The following MYO16 variants were observed in gnomAD, a reference collection of about 807,000 sequenced individuals.
MYO16 encodes myosin XVI.
MYO16 carries 94 observed loss-of-function variants against 205.3 expected under a neutral mutation model. The observed-to-expected ratio is 0.46, with a 90% confidence interval of 0.39 to 0.54. The LOEUF (loss-of-function observed/expected upper bound fraction) is 0.54. Among genes scored for constraint, MYO16 ranks in the 20% least tolerant of loss-of-function variants. The pLI is 0.00. For synonymous variants in MYO16, 988 were observed against 954.0 expected (o/e 1.04, Z -0.66); for missense variants, 2,315 against 2,387.5 (o/e 0.97, Z 0.63).
intron 7 of MYO16, among the ~76,000 whole-genome samples, chr13:108,812,743 G>A (rs1398934614): frequency 6.6e-6 from 1 of 152,138 alleles, no homozygotes; most frequent in Non-Finnish European, 1.5e-5. Context: ...CTAATGAGGG[G>A]TGTTTAGGTC....
rs567182010 is a variant in MYO16, at chr13:108,991,062, T to G, written c.2370-1314T>G. On this transcript the variant is annotated intron_variant, in intron 20 of 34. Transcript: ENST00000457511. The stretch of plus-strand genomic sequence containing the variant: ...CCATAGCGTACCCATTGGCAGAAAA[T>G]TACGACAGCAGTTGTCCCATTCATA... Among the ~76,000 whole-genome samples the G allele has an allele frequency of 2.0e-5, 3 of 152,228 alleles. No homozygotes were observed. In the South Asian group the frequency reaches 6.2e-4, roughly 32 times the overall value.
intron 3 of MYO16, among the ~76,000 whole-genome samples, chr13:108,726,413 G>C (rs112476072): frequency 0.012 from 1,780 of 152,054 alleles, 31 homozygotes; most frequent in African/African-American, 0.041. Flanking sequence ...ACAAAAATTA[G>C]CTGGGTGTGG....
chr13:108,564,868 A>G, the MYO16 span, among the ~76,000 whole-genome samples: 1 of 152,098 alleles, frequency 6.6e-6, no homozygotes, highest in Non-Finnish European at 1.5e-5. Context: ...CTTCATTCGT[A>G]TGGATATCCA....
Position 108,712,648 on chromosome 13 carries a change from C to T in MYO16, c.293-13C>T, listed in dbSNP as rs1398461428. On this transcript the variant is annotated splice_polypyrimidine_tract_variant and intron_variant, in intron 2 of 34. Transcript: ENST00000457511. ...ACTCTCTGTAACTCCATTCTCCTCT[C>T]TGTTGTTTTCAGTGCTTCGGCTCCT... 1.9e-6 allele frequency: 3 copies of T among 1,612,986 alleles called. No individual in the cohort carries two copies. The South Asian group carries it at 3.3e-5, about 18-fold the overall frequency.
At chr13:109,174,220 G>T (rs554034412) in intron 33 of MYO16, among the ~76,000 whole-genome samples, 3 of 152,250 alleles carry the variant, frequency 2.0e-5, no homozygotes, top group South Asian at 4.1e-4. Flanking sequence ...CCCAAAGGAG[G>T]TTAATTCTAT....
rs991119549 is a variant in MYO16, at chr13:108,674,563, G to A, written c.292+8414G>A. 3.3e-5 allele frequency among the ~76,000 whole-genome samples: 5 copies of A among 152,264 alleles called. 1 individual carries two copies. The South Asian group carries it at 1.0e-3, about 32-fold the overall frequency. Reference sequence around the variant, plus strand: ...CTACATAAATTGGCAGTTTGAAAATGCGATGCTCTATAAGCGGATTTAAGC... The same window carrying A: ...CTACATAAATTGGCAGTTTGAAAATACGATGCTCTATAAGCGGATTTAAGC... On this transcript the variant is annotated intron_variant, in intron 2 of 34. Transcript: ENST00000457511.
intron 20 of MYO16, among the ~76,000 whole-genome samples, chr13:108,973,427 C>T (rs1028666091): frequency 1.3e-5 from 2 of 152,160 alleles, no homozygotes; most frequent in African/African-American, 4.8e-5. Flanking sequence ...TTCCTGAAAT[C>T]ATCAGCAGGA....
chr13:108,782,665 G>A (rs930585214), intron 4 of MYO16, among the ~76,000 whole-genome samples: 3 of 152,152 alleles, frequency 2.0e-5, no homozygotes, highest in African/African-American at 7.2e-5. Context: ...GGCCCAGGAG[G>A]AAAAAGTGGT....
intron 13 of MYO16, among the ~76,000 whole-genome samples, chr13:108,883,552 T>C (rs1189628484): frequency 6.6e-6 from 1 of 152,176 alleles, no homozygotes; most frequent in Non-Finnish European, 1.5e-5. Flanking sequence ...CAAATATCAT[T>C]TTATTTCTTT....
rs1031660064 is a variant in MYO16, at chr13:108,607,688, T to C, written c.-39+11449T>C. Among the ~76,000 whole-genome samples, 7 of 152,118 alleles carry C rather than the reference T, an allele frequency of 4.6e-5. 1 individual carries two copies. Among genetic ancestry groups the C allele is most frequent in the African/African-American group, 1.7e-4 (7 of 41,430 alleles). On this transcript the variant is annotated intron_variant, in intron 1 of 24. Coordinates refer to the MYO16 transcript ENST00000251041. ...ATAACAAACTAATACATGTACTTGC[T>C]CCCAGACTCTTAGAGGGGTAGTGTT...
intron 31 of MYO16, among the ~76,000 whole-genome samples, chr13:109,135,829 C>T (rs574730600): frequency 2.8e-4 from 42 of 152,322 alleles, no homozygotes; most frequent in African/African-American, 9.1e-4. Context: ...AATCTCTTCT[C>T]TATCTGGAAG....
At chr13:108,985,335 G>A (rs1348770660) in intron 20 of MYO16, among the ~76,000 whole-genome samples, 1 of 152,190 alleles carries the variant, frequency 6.6e-6, no homozygotes, top group Non-Finnish European at 1.5e-5. Context: ...TACATCAGCA[G>A]CAAGCAGCCT....
At chr13:108,765,651 C>T (rs766230011) in intron 4 of MYO16, among the ~76,000 whole-genome samples, 1 of 152,314 alleles carries the variant, frequency 6.6e-6, no homozygotes, top group South Asian at 2.1e-4. Flanking sequence ...CAGATACACA[C>T]GCTTTGCCCG....
chr13:108,625,800 G>C (rs186011207), upstream of MYO16, among the ~76,000 whole-genome samples: 2 of 152,158 alleles, frequency 1.3e-5, no homozygotes, highest in Admixed American at 6.5e-5. Flanking sequence ...CTGTTAATAC[G>C]TACCTTTCCC....
intron 11 of MYO16, among the ~76,000 whole-genome samples, chr13:108,860,688 A>G (rs777964211): frequency 6.6e-6 from 1 of 152,190 alleles, no homozygotes; most frequent in Admixed American, 6.5e-5. Flanking sequence ...AAAACAAGCA[A>G]TGAGGAAAAG....
chr13:108,722,803 G>A (rs1188518297), intron 3 of MYO16, among the ~76,000 whole-genome samples: 2 of 152,156 alleles, frequency 1.3e-5, no homozygotes, highest in Non-Finnish European at 2.9e-5. Context: ...CTGTGTCCTT[G>A]TACCCAAACC....
At chr13:108,778,079 C>T (rs61968775) in intron 4 of MYO16, among the ~76,000 whole-genome samples, 51,612 of 151,994 alleles carry the variant, frequency 0.34, 9,963 homozygotes, top group East Asian at 0.63. Flanking sequence ...AGTCAGCGGC[C>T]TCCTGCAGAG....
intron 27 of MYO16, among the ~76,000 whole-genome samples, chr13:109,087,659 A>G (rs1158773592): frequency 6.6e-6 from 1 of 152,162 alleles, no homozygotes; most frequent in Non-Finnish European, 1.5e-5. Flanking sequence ...CAAACGAACT[A>G]AAAACTCCAC....
intron 33 of MYO16, among the ~76,000 whole-genome samples, chr13:109,174,743 CTTGTCTT>C (rs1257221151): frequency 2.3e-5 from 3 of 133,164 alleles, no homozygotes; most frequent in African/African-American, 8.4e-5. Flanking sequence ...TCATTCTTGT[CTTGTCTT>C]TTTTTTTTTT....
Sources: allele counts gnomAD v4.1 joint callset (sites outside exome capture counted in the v4.1 genomes callset), GRCh38; gene constraint gnomAD v4.1.1; transcripts MANE v1.5; gene names NCBI Gene and HGNC (gene_info 2026-07-23, HGNC 2026-07-21).